Variants in KIFBP observed in about 807,000 individuals in gnomAD.
KIFBP encodes the protein KIF-binding protein.
In KIFBP, 46 loss-of-function variants were observed where a neutral mutation model predicts 58.9. The ratio of observed to expected loss-of-function variants is 0.78; its 90% confidence interval spans 0.62 to 1.00. The LOEUF (loss-of-function observed/expected upper bound fraction) is 1.00. KIFBP is among the 50% of genes least tolerant of loss of function. The pLI is 0.00. For missense variants in KIFBP, 651 were observed against 752.9 expected (o/e 0.86, Z 1.58); for synonymous variants, 241 against 283.4 (o/e 0.85, Z 1.50).
At chr10:69,011,531 T>G (rs1052683049) in intron 6 of KIFBP, among the ~76,000 whole-genome samples, 2 of 151,588 alleles carry the variant, frequency 1.3e-5, no homozygotes, top group African/African-American at 4.8e-5. Context: ...TACAGGCGTG[T>G]GCCACCATAT....
chr10:69,000,348 G>A, intron 1 of KIFBP, 76 bp from the exon 2 acceptor site: 3 of 967,516 alleles, frequency 3.1e-6, no homozygotes. Context: ...TATAAGTATT[G>A]ACTTCAAAAC....
intron 1 of KIFBP, among the ~76,000 whole-genome samples, chr10:68,997,033 A>C (rs1021406533): frequency 9.9e-5 from 15 of 152,156 alleles, no homozygotes; most frequent in Non-Finnish European, 1.9e-4. Context: ...TTCCACTGGA[A>C]CATAGCACTT....
Position 69,000,487 on chromosome 10 carries a change from T to C in KIFBP, c.490T>C (p.Ser164Pro). 6.2e-7 allele frequency: 1 copy of C among 1,610,776 alleles called. No individual in the cohort carries two copies. The highest frequency in any genetic ancestry group is 8.5e-7 in the Non-Finnish European group (1 of 1,177,192). Residue 164 changes from serine (S) to proline (P), a missense_variant, in exon 2 of 7, where the codon TCA (serine) becomes CCA (proline). Coordinates refer to ENST00000361983, the MANE Select transcript of KIFBP (RefSeq NM_015634.4). Reference sequence around the variant, plus strand: ...TGAAACTGCACAGGCTTACCTAGAGTCATCAGAAGCACTATATAATCAGTA... The same window carrying C: ...TGAAACTGCACAGGCTTACCTAGAGCCATCAGAAGCACTATATAATCAGTA... ...EIETAQAYLE[S>P]SEALYNQYMK... is the part of the protein sequence containing the mutation.
rs766038589 is a variant in KIFBP at position 69,015,730 on chromosome 10, G to T, written c.1180G>T (p.Glu394Ter). The change falls in exon 7 of 7, where the codon GAA becomes TAA. Residue 394 changes from glutamate (E) to a stop codon, truncating the protein, a stop_gained. Coordinates refer to ENST00000361983, the MANE Select transcript of KIFBP (RefSeq NM_015634.4). LOFTEE classifies it high-confidence loss of function. ...LRPLDFEEAR[E>*]LFLLGQHYVF... ...ACCTTTAGATTTTGAAGAAGCCAGAGAACTTTTCTTATTGGGTCAGCACTA... is the reference window on the plus strand; with the variant it reads ...ACCTTTAGATTTTGAAGAAGCCAGATAACTTTTCTTATTGGGTCAGCACTA... 2.5e-6 allele frequency: 4 copies of T among 1,614,164 alleles called. No individual in the cohort carries two copies. The highest frequency in any genetic ancestry group is 1.1e-5 in the South Asian group (1 of 91,080).
At chr10:69,008,391 A>AAAAAAAAAAAAAATAT in intron 4 of KIFBP, among the ~76,000 whole-genome samples, 7 of 71,590 alleles carry the variant, frequency 9.8e-5, no homozygotes, top group South Asian at 8.3e-4. Flanking sequence ...AAAAAAAAAA[A>AAAAAAAAAAAAAATAT]ATATATATAT....
At position 69,005,923 on chromosome 10, in the gene KIFBP, T is replaced by A. The variant is rs1466520800; in HGVS notation, c.789+8T>A. The A allele has an allele frequency of 5.6e-6, 9 of 1,612,086 alleles. No homozygotes were observed. In the East Asian group the frequency reaches 2.0e-4, roughly 36 times the overall value. On this transcript the variant is annotated splice_region_variant and intron_variant, in intron 4 of 6. Coordinates refer to ENST00000361983, the MANE Select transcript of KIFBP (RefSeq NM_015634.4). The stretch of plus-strand genomic sequence containing the variant: ...CAGTTTTACATCAATAAGGTAAGCT[T>A]CTTGAAGTAGTTATCTAACAGAGTA...
At chr10:68,996,723 C>T (rs1220426761) in intron 1 of KIFBP, among the ~76,000 whole-genome samples, 2 of 149,750 alleles carry the variant, frequency 1.3e-5, no homozygotes, top group African/African-American at 2.5e-5. Flanking sequence ...CATGGTGGCG[C>T]ATGTCTGTAA....
intron 1 of KIFBP, among the ~76,000 whole-genome samples, chr10:68,994,013 T>C (rs1843378576): frequency 6.6e-6 from 1 of 152,144 alleles, no homozygotes; most frequent in African/African-American, 2.4e-5. Flanking sequence ...TCTGGTCAAA[T>C]AAATAGCAGT....
chr10:69,016,641 T>C lies in KIFBP; in HGVS notation c.*225T>C. On this transcript the variant is annotated 3_prime_UTR_variant, in exon 7 of 7. Coordinates refer to ENST00000361983, the MANE Select transcript of KIFBP (RefSeq NM_015634.4). Reference sequence around the variant, plus strand: ...CTTGTTAAAGACATGTGATTTGTATTTTAGATGCTTGTTTCCTATTAAAAT... The same window carrying C: ...CTTGTTAAAGACATGTGATTTGTATCTTAGATGCTTGTTTCCTATTAAAAT... 1.2e-5 allele frequency: 6 copies of C among 518,124 alleles called. No individual in the cohort carries two copies. The highest frequency in any genetic ancestry group is 1.7e-5 in the Non-Finnish European group (5 of 292,452). 32.1% of individuals were successfully genotyped at this position (518,124 alleles called of 1,614,324 possible).
intron 3 of KIFBP, 119 bp downstream of exon 3, chr10:69,005,244 A>C: frequency 1.3e-6 from 1 of 745,838 alleles, no homozygotes; most frequent in Non-Finnish European, 2.4e-6. Context: ...TAAAACCTCC[A>C]TTTACCACTT....
chr10:68,998,490 A>G lies in KIFBP; in HGVS notation c.427-1934A>G, dbSNP rs556371410. ...TTTCCTGTGTTCATAATGAAAAGAA[A>G]TGCTGTATTTTAATAGGAGATTGGT... On this transcript the variant is annotated intron_variant, in intron 1 of 6. Coordinates refer to ENST00000361983, the MANE Select transcript of KIFBP (RefSeq NM_015634.4). Among the ~76,000 whole-genome samples, 4 of 152,106 alleles carry G rather than the reference A, an allele frequency of 2.6e-5. No individual in the cohort carries two copies. The East Asian group carries it at 7.7e-4, about 29-fold the overall frequency.
intron 1 of KIFBP, among the ~76,000 whole-genome samples, chr10:68,999,245 A>G (rs778234175): frequency 2.0e-5 from 3 of 151,158 alleles, no homozygotes; most frequent in Non-Finnish European, 2.9e-5. Flanking sequence ...TTACAGGTGC[A>G]CGCCACCACT....
intron 1 of KIFBP, chr10:68,999,841 T>C (rs2243447): frequency 1 from 155,122 of 155,454 alleles, 77,396 homozygotes; most frequent in Middle Eastern, 1. Context: ...GTCAGGAGAT[T>C]GAGACCATCC....
intron 4 of KIFBP, chr10:69,007,652 G>A (rs2132114666): frequency 6.6e-6 from 1 of 152,294 alleles, no homozygotes; most frequent in African/African-American, 2.4e-5. Context: ...TACTACACGT[G>A]TCCAGCTATT....
chr10:68,998,844 C>T (rs1257323689), intron 1 of KIFBP, among the ~76,000 whole-genome samples: 23 of 141,780 alleles, frequency 1.6e-4, no homozygotes, highest in Non-Finnish European at 2.9e-4. Flanking sequence ...GGCACGATCT[C>T]GGCTCACTGT....
chr10:69,000,582 A>C (rs1275986918), intron 2 of KIFBP, 60 bp downstream of exon 2: 4 of 1,054,772 alleles, frequency 3.8e-6, no homozygotes, highest in Non-Finnish European at 4.5e-6. Context: ...AATTGATAGT[A>C]AGAATCCCTC....
intron 4 of KIFBP, among the ~76,000 whole-genome samples, chr10:69,006,155 C>T (rs532287080): frequency 1.3e-5 from 2 of 152,198 alleles, no homozygotes; most frequent in African/African-American, 4.8e-5. Flanking sequence ...TTACCTAAGA[C>T]CAATTCTTTT....
chr10:69,001,827 G>A (rs891022936), intron 2 of KIFBP, among the ~76,000 whole-genome samples: 69 of 151,760 alleles, frequency 4.5e-4, no homozygotes, highest in Admixed American at 4.5e-3. Flanking sequence ...TCACATAAAA[G>A]AGACTAAACA....
chr10:69,005,776 T>C lies in KIFBP; in HGVS notation c.650T>C (p.Val217Ala), dbSNP rs2132113690. 1 of 1,613,884 alleles carries C rather than the reference T, an allele frequency of 6.2e-7. No homozygotes were observed. The highest frequency in any genetic ancestry group is 8.5e-7 in the Non-Finnish European group (1 of 1,179,784). The change falls in exon 4 of 7, where the codon GTC becomes GCC. Residue 217 changes from valine (V) to alanine (A), a missense_variant. Val to Ala is a moderately conservative substitution (Grantham distance 64). Transcript: ENST00000361983. The part of the protein sequence containing the change: ...YTHNLYYLAQ[V>A]YQHLEMFEKA... ...CATAACCTATATTACCTAGCTCAAG[T>C]CTACCAGCATCTGGAAATGTTTGAG... is the stretch of plus-strand genomic sequence containing the variant.
Sources: allele counts gnomAD v4.1 joint callset (sites outside exome capture counted in the v4.1 genomes callset), GRCh38; gene constraint gnomAD v4.1.1; transcripts MANE v1.5; gene names NCBI Gene and HGNC (gene_info 2026-07-23, HGNC 2026-07-21).